Variants in PTGFR observed in about 807,000 individuals in gnomAD.
The protein encoded by PTGFR is prostaglandin F receptor.
A neutral mutation model predicts 26.2 loss-of-function variants in PTGFR; 15 were observed. The ratio of observed to expected loss-of-function variants is 0.57; its 90% CI spans 0.38 to 0.88. The LOEUF is 0.88. Ranked by LOEUF, PTGFR falls within the 40% of genes least tolerant of loss-of-function variation. The pLI, the probability that PTGFR is intolerant of heterozygous loss-of-function variation, is 0.00. For synonymous variants in PTGFR, 165 were observed against 151.1 expected (o/e 1.09, Z -0.68); for missense variants, 369 against 427.2 (o/e 0.86, Z 1.20).
At position 78,492,818 on chromosome 1, in the gene PTGFR, A is replaced by G; in HGVS notation, c.75A>G (p.Glu25=). The change falls in exon 2 of 3, where the codon GAA becomes GAG. Residue 25 remains glutamate (E), a synonymous_variant. Coordinates refer to ENST00000370757, the MANE Select transcript of PTGFR (RefSeq NM_000959.4). The stretch of plus-strand genomic sequence containing the variant: ...TTTCAAACACAACCTGCCAGACGGA[A>G]AACCGGCTTTCCGTATTTTTTTCAG... ...ALLSNTTCQT[E]NRLSVFFSVI... 1.2e-6 allele frequency: 2 copies of G among 1,614,240 alleles called. No individual in the cohort carries two copies. The highest frequency in any genetic ancestry group is 1.7e-6 in the Non-Finnish European group (2 of 1,180,038).
At chr1:78,525,022 A>G (rs1233559095) in intron 2 of PTGFR, among the ~76,000 whole-genome samples, 1 of 143,584 alleles carries the variant, frequency 7.0e-6, no homozygotes, top group Non-Finnish European at 1.5e-5. Context: ...TCTTAGTGGT[A>G]TGAAAATAGT....
rs1252878840 is a variant in PTGFR at position 78,540,076 on chromosome 1, A to G, written c.*3389A>G. Among the ~76,000 whole-genome samples the G allele has an allele frequency of 1.3e-5, 2 of 152,020 alleles. No individual in the cohort carries two copies. Among genetic ancestry groups the G allele is most frequent in the Non-Finnish European group, 2.9e-5 (2 of 67,954 alleles). ...AACTTCACAAAAGTTTGTATCTCCC[A>G]CATGGTTCCTGTCCACTCTGAAGGG... On this transcript the variant is annotated 3_prime_UTR_variant, in exon 3 of 3. Coordinates refer to ENST00000370757, the MANE Select transcript of PTGFR (RefSeq NM_000959.4).
intron 2 of PTGFR, among the ~76,000 whole-genome samples, chr1:78,532,621 A>G (rs1468956158): frequency 6.6e-6 from 1 of 150,944 alleles, no homozygotes; most frequent in Non-Finnish European, 1.5e-5. Flanking sequence ...GCTGGAATGC[A>G]GTGGTGTGTG....
intron 2 of PTGFR, 58 bp downstream of exon 2, chr1:78,493,599 G>A (rs1649471758): frequency 6.9e-6 from 10 of 1,452,466 alleles, no homozygotes; most frequent in Non-Finnish European, 9.1e-6. Context: ...TCAATTCAAG[G>A]TTATCTGGAA....
chr1:78,504,360 T>C (rs934802016), intron 2 of PTGFR, among the ~76,000 whole-genome samples: 21 of 152,278 alleles, frequency 1.4e-4, no homozygotes, highest in African/African-American at 5.1e-4. Flanking sequence ...ATAGAGTAGT[T>C]AAACATTTTT....
intron 2 of PTGFR, among the ~76,000 whole-genome samples, chr1:78,507,207 C>T (rs758755446): frequency 6.6e-6 from 1 of 152,214 alleles, no homozygotes; most frequent in African/African-American, 2.4e-5. Context: ...TTTAGCTACT[C>T]TGCACGGCAC....
intron 2 of PTGFR, among the ~76,000 whole-genome samples, chr1:78,498,652 A>G (rs572578794): frequency 6.6e-6 from 1 of 152,278 alleles, no homozygotes; most frequent in African/African-American, 2.4e-5. Flanking sequence ...GTATCCTGCA[A>G]TATACCCATG....
At chr1:78,510,127 T>C (rs750245157) in intron 2 of PTGFR, among the ~76,000 whole-genome samples, 5 of 152,362 alleles carry the variant, frequency 3.3e-5, no homozygotes, top group Non-Finnish European at 5.9e-5. Flanking sequence ...ATTCAGGTAC[T>C]AACCTAGTAA....
chr1:78,532,147 G>GA, intron 2 of PTGFR: 1 of 366,968 alleles, frequency 2.7e-6, no homozygotes, highest in South Asian at 1.9e-5. Flanking sequence ...AATGCAATAA[G>GA]AAAAACAAAT....
intron 2 of PTGFR, among the ~76,000 whole-genome samples, chr1:78,528,294 C>CAAAAAAAAAAAAAAAAAAAAAAAA (rs35137595): frequency 9.9e-5 from 2 of 20,106 alleles, no homozygotes; most frequent in African/African-American, 1.5e-4. Context: ...AGAAAGTTAG[C>CAAAAAAAAAAAAAAAAAAAAAAAA]AAAAAAAAAA....
intron 2 of PTGFR, among the ~76,000 whole-genome samples, chr1:78,515,013 C>A (rs1296190898): frequency 1.3e-5 from 2 of 152,226 alleles, no homozygotes; most frequent in African/African-American, 4.8e-5. Context: ...GCCAACTAAA[C>A]CTCTTTTCTT....
At chr1:78,494,279 G>A (rs1380795126) in intron 2 of PTGFR, among the ~76,000 whole-genome samples, 1 of 152,166 alleles carries the variant, frequency 6.6e-6, no homozygotes, top group Non-Finnish European at 1.5e-5. Flanking sequence ...TCATATTTAT[G>A]ATAGATAAGT....
At chr1:78,519,403 ACT>A (rs1417856515) in intron 2 of PTGFR, among the ~76,000 whole-genome samples, 1 of 152,146 alleles carries the variant, frequency 6.6e-6, no homozygotes, top group Non-Finnish European at 1.5e-5. Context: ...AATATTTTTG[ACT>A]CTATCACTGA....
At position 78,540,347 on chromosome 1, in the gene PTGFR, A is replaced by C. The variant is rs970616616; in HGVS notation, c.*3660A>C. Among the ~76,000 whole-genome samples the C allele has an allele frequency of 6.6e-6, 1 of 152,164 alleles. No homozygotes were observed. Among genetic ancestry groups the C allele is most frequent in the African/African-American group, 2.4e-5 (1 of 41,450 alleles). Reference sequence around the variant, plus strand: ...AAACGGAAACTAATTTGTAGACAGCACTAATGATTTCCACATTAGGTAAAA... The same window carrying C: ...AAACGGAAACTAATTTGTAGACAGCCCTAATGATTTCCACATTAGGTAAAA... On this transcript the variant is annotated 3_prime_UTR_variant, in exon 3 of 3. Transcript: ENST00000370757.
chr1:78,532,364 TTATATATATATATA>T (rs200848855), intron 2 of PTGFR: 4,520 of 85,322 alleles, frequency 0.053, 592 homozygotes, highest in African/African-American at 0.19. Context: ...GTAAATTCAT[TTATATATATATATA>T]TATATATATA....
At chr1:78,533,789 T>A (rs912546285) in intron 2 of PTGFR, among the ~76,000 whole-genome samples, 1 of 152,166 alleles carries the variant, frequency 6.6e-6, no homozygotes, top group Admixed American at 6.6e-5. Flanking sequence ...TTAGCAAACA[T>A]GGGCTCTATT....
intron 2 of PTGFR, among the ~76,000 whole-genome samples, chr1:78,530,675 T>A (rs1182939248): frequency 1.3e-5 from 2 of 152,164 alleles, no homozygotes; most frequent in East Asian, 3.9e-4. Flanking sequence ...TGTAGCAGGA[T>A]TAAATGAGAT....
At chr1:78,497,582 T>C (rs923632731) in intron 2 of PTGFR, among the ~76,000 whole-genome samples, 4 of 152,176 alleles carry the variant, frequency 2.6e-5, no homozygotes, top group Non-Finnish European at 4.4e-5. Context: ...TTCTAGAATA[T>C]GCAAGCCTAA....
At chr1:78,503,835 A>G (rs1297755032) in intron 2 of PTGFR, among the ~76,000 whole-genome samples, 1 of 152,248 alleles carries the variant, frequency 6.6e-6, no homozygotes, top group East Asian at 1.9e-4. Flanking sequence ...ATACACAGCA[A>G]GAACATTGTT....
Sources: allele counts gnomAD v4.1 joint callset (sites outside exome capture counted in the v4.1 genomes callset), GRCh38; gene constraint gnomAD v4.1.1; transcripts MANE v1.5; gene names NCBI Gene and HGNC (gene_info 2026-07-23, HGNC 2026-07-21).